Variants in AMD1 observed in about 807,000 individuals in gnomAD.
AMD1 encodes S-adenosylmethionine decarboxylase proenzyme.
AMD1 carries 11 observed loss-of-function variants against 40.2 expected under a neutral mutation model. The observed-to-expected ratio is 0.27, with a 90% confidence interval of 0.17 to 0.45. AMD1 has a LOEUF of 0.45. AMD1 is among the 20% of genes least tolerant of loss of function. AMD1 has a pLI of 1.00. For missense variants in AMD1, 257 were observed against 410.2 expected (o/e 0.63, Z 3.23); for synonymous variants, 121 against 130.8 (o/e 0.93, Z 0.51).
intron 1 of AMD1, among the ~76,000 whole-genome samples, chr6:110,877,162 G>C (rs1008114882): frequency 1.3e-5 from 2 of 152,212 alleles, no homozygotes; most frequent in Non-Finnish European, 2.9e-5. Flanking sequence ...ATATTCCCTT[G>C]TGTAGATGAT....
chr6:110,847,063 G>GTGTGTGTGTGGTGT, the AMD1 span, among the ~76,000 whole-genome samples: 5 of 143,282 alleles, frequency 3.5e-5, no homozygotes, highest in African/African-American at 1.3e-4. Context: ...GTGTGTGTGT[G>GTGTGTGTGTGGTGT]GTGTGTGTGT....
intron 1 of AMD1, among the ~76,000 whole-genome samples, chr6:110,878,469 C>T (rs9400422): frequency 6.6e-6 from 1 of 152,238 alleles, no homozygotes; most frequent in African/African-American, 2.4e-5. Context: ...AAAGAAAAAT[C>T]TTTTATGATA....
chr6:110,857,155 ACT>A, the AMD1 span, among the ~76,000 whole-genome samples: 10 of 150,504 alleles, frequency 6.6e-5, no homozygotes, highest in Non-Finnish European at 1.0e-4. Flanking sequence ...ACAAAGAGAG[ACT>A]CTGTCTCAAA....
chr6:110,883,690 C>T (rs1054007026), intron 1 of AMD1, among the ~76,000 whole-genome samples: 1 of 152,198 alleles, frequency 6.6e-6, no homozygotes, highest in Non-Finnish European at 1.5e-5. Context: ...CTTCCGGGTT[C>T]ATGCCATTCT....
the AMD1 span, among the ~76,000 whole-genome samples, chr6:110,844,687 A>G: frequency 6.6e-6 from 1 of 151,836 alleles, no homozygotes; most frequent in Non-Finnish European, 1.5e-5. Context: ...AGGCTGAGGC[A>G]GGAGAATGGC....
At chr6:110,862,351 G>T in the AMD1 span, among the ~76,000 whole-genome samples, 1 of 146,128 alleles carries the variant, frequency 6.8e-6, no homozygotes. Flanking sequence ...TTTTTTAATG[G>T]ATAGAGTGCT....
intron 4 of AMD1, chr6:110,891,823 A>C (rs1583223590): frequency 3.5e-6 from 1 of 282,224 alleles, no homozygotes; most frequent in African/African-American, 2.2e-5. Flanking sequence ...GCTCACTGCA[A>C]CCTCCGCCTC....
the AMD1 span, among the ~76,000 whole-genome samples, chr6:110,843,640 G>A: frequency 6.6e-6 from 1 of 152,068 alleles, no homozygotes; most frequent in Non-Finnish European, 1.5e-5. Flanking sequence ...AGGCTGGAGT[G>A]CAGTGGCGCC....
chr6:110,856,021 A>T, the AMD1 span, among the ~76,000 whole-genome samples: 1 of 152,176 alleles, frequency 6.6e-6, no homozygotes, highest in Non-Finnish European at 1.5e-5. Context: ...TTGAGGTTGC[A>T]CTGAGCCATG....
At chr6:110,875,310 T>A in intron 1 of AMD1, 95 bp downstream of exon 1, 1 of 1,037,086 alleles carries the variant, frequency 9.6e-7, no homozygotes, top group Non-Finnish European at 1.5e-6. Context: ...CCCTCAGCTT[T>A]CAGTTGGGGG....
chr6:110,852,899 A>C, the AMD1 span, among the ~76,000 whole-genome samples: 2 of 152,106 alleles, frequency 1.3e-5, no homozygotes, highest in Non-Finnish European at 2.9e-5. Context: ...TGCGGAAGGA[A>C]CTAACATGAA....
intron 1 of AMD1, among the ~76,000 whole-genome samples, chr6:110,883,578 A>C (rs923187424): frequency 5.3e-5 from 8 of 152,240 alleles, no homozygotes; most frequent in Non-Finnish European, 1.2e-4. Context: ...CAACGAGAGA[A>C]GGGAATCATT....
In AMD1 at chr6:110,893,958, A is replaced by G; in HGVS notation, c.*342A>G. 1 of 219,630 alleles carries G rather than the reference A, an allele frequency of 4.6e-6. No homozygotes were observed. The highest frequency in any genetic ancestry group is 7.3e-5 in the South Asian group (1 of 13,630). 13.6% of individuals were successfully genotyped at this position (219,630 alleles called of 1,614,324 possible). On this transcript the variant is annotated 3_prime_UTR_variant, in exon 9 of 9. Coordinates refer to ENST00000368885, the MANE Select transcript of AMD1 (RefSeq NM_001634.6). Reference sequence around the variant, plus strand: ...TGCACAGTGTAATATTTCTCCAAGTATCATCCAAAATTCCCCACAGACAAG... The same window carrying G: ...TGCACAGTGTAATATTTCTCCAAGTGTCATCCAAAATTCCCCACAGACAAG...
At chr6:110,835,682 A>T in the AMD1 span, among the ~76,000 whole-genome samples, 2 of 152,070 alleles carry the variant, frequency 1.3e-5, no homozygotes, top group Non-Finnish European at 2.9e-5. Context: ...CCTGGCCAAC[A>T]TGGTGAAATT....
the AMD1 span, among the ~76,000 whole-genome samples, chr6:110,830,409 G>T: frequency 2.6e-5 from 4 of 152,192 alleles, no homozygotes; most frequent in Non-Finnish European, 5.9e-5. Flanking sequence ...CTCCAGACCA[G>T]ATGGAAGACT....
At chr6:110,841,478 A>G in the AMD1 span, among the ~76,000 whole-genome samples, 1 of 152,160 alleles carries the variant, frequency 6.6e-6, no homozygotes, top group Non-Finnish European at 1.5e-5. Flanking sequence ...CCCCTTCCTT[A>G]TTTGGGAATT....
At chr6:110,824,711 A>G in the AMD1 span, among the ~76,000 whole-genome samples, 2 of 152,206 alleles carry the variant, frequency 1.3e-5, no homozygotes, top group Non-Finnish European at 2.9e-5. Context: ...TATAAAGAGC[A>G]TAAAGTTTTT....
At chr6:110,868,314 A>C in the AMD1 span, among the ~76,000 whole-genome samples, 1 of 151,644 alleles carries the variant, frequency 6.6e-6, no homozygotes, top group Non-Finnish European at 1.5e-5. Context: ...CACCTGGCTA[A>C]TTTTTTTGTA....
chr6:110,862,734 T>C, the AMD1 span, among the ~76,000 whole-genome samples: 4 of 152,078 alleles, frequency 2.6e-5, no homozygotes, highest in Non-Finnish European at 5.9e-5. Context: ...CCTCCCAAAC[T>C]GCTCGGATTA....
Sources: gnomAD v4.1 joint callset for allele counts (sites outside exome capture counted in the v4.1 genomes callset) on GRCh38, gnomAD v4.1.1 for gene constraint, MANE v1.5 for transcripts, NCBI Gene and HGNC (gene_info 2026-07-23, HGNC 2026-07-21) for gene names.